Variants in YTHDF2 observed in about 807,000 individuals in gnomAD.
YTHDF2 encodes YTH domain-containing family protein 2.
A neutral mutation model predicts 50.4 loss-of-function variants in YTHDF2; 2 were observed. The observed-to-expected ratio is 0.04, with a 90% CI of 0.02 to 0.12. The LOEUF (loss-of-function observed/expected upper bound fraction) is 0.12, where lower values mean the gene tolerates loss of function less well. YTHDF2 is among the 10% of genes least tolerant of loss of function. The pLI is 1.00. For synonymous variants in YTHDF2, 217 were observed against 255.6 expected (o/e 0.85, Z 1.44); for missense variants, 483 against 722.6 (o/e 0.67, Z 3.80).
chr1:28,767,969 G>C (rs1238310600), intron 4 of YTHDF2, among the ~76,000 whole-genome samples: 2 of 151,128 alleles, frequency 1.3e-5, no homozygotes, highest in African/African-American at 4.9e-5. Context: ...TTGGGAGGCT[G>C]AGTCGAGCAG....
intron 1 of YTHDF2, chr1:28,737,420 T>C: frequency 1.6e-6 from 1 of 643,696 alleles, no homozygotes; most frequent in Non-Finnish European, 2.5e-6. Flanking sequence ...TTCCCCTTCC[T>C]TAAAGCCCTG....
intron 4 of YTHDF2, among the ~76,000 whole-genome samples, chr1:28,767,572 G>T (rs369925831): frequency 6.6e-6 from 1 of 151,878 alleles, no homozygotes; most frequent in Non-Finnish European, 1.5e-5. Context: ...GCAGTGGCAC[G>T]ATCTCGGCTC....
chr1:28,760,096 C>T (rs1411602056), intron 4 of YTHDF2, among the ~76,000 whole-genome samples: 1 of 152,196 alleles, frequency 6.6e-6, no homozygotes, highest in East Asian at 1.9e-4. Context: ...GGAAAGTCTT[C>T]AGAAGCAGTA....
At position 28,743,918 on chromosome 1, in the gene YTHDF2, A is replaced by G. The variant is rs753105687; in HGVS notation, c.1648A>G (p.Thr550Ala). 1.8e-5 allele frequency: 29 copies of G among 1,594,458 alleles called. No individual in the cohort carries two copies. Among genetic ancestry groups the G allele is most frequent in the Non-Finnish European group, 2.5e-5 (29 of 1,172,330 alleles). ...GAAAATTATAGCCAGCTACAAGCAC[A>G]CCACTTCCATTTTTGATGACTTCTC... ...VLKIIASYKHTTSIFDDFSHY... is the reference protein window; with the variant it reads ...VLKIIASYKHATSIFDDFSHY... The change falls in exon 4 of 5, where the codon ACC becomes GCC. Residue 550 changes from threonine (T) to alanine (A), a missense_variant. Around this residue, in one of 4 missense-constraint regions of YTHDF2, gnomAD observed 38 missense variants for 60.1 expected, o/e 0.63. Coordinates refer to ENST00000373812, the MANE Select transcript of YTHDF2 (RefSeq NM_016258.3). The surrounding 1 kb of genome is among the most constrained non-coding windows in gnomAD (Gnocchi z 6.9).
intron 4 of YTHDF2, among the ~76,000 whole-genome samples, chr1:28,756,410 CTTACCTACCAGAAGTAAAGA>C (rs1218744496): frequency 6.6e-6 from 1 of 152,178 alleles, no homozygotes; most frequent in Non-Finnish European, 1.5e-5. Context: ...AGCCATTCTG[CTTACCTACCAGAAGTAAAGA>C]TTACTCCTCT....
At chr1:28,759,942 C>CG (rs2088089563) in intron 4 of YTHDF2, among the ~76,000 whole-genome samples, 1 of 152,046 alleles carries the variant, frequency 6.6e-6, no homozygotes, top group African/African-American at 2.4e-5. Context: ...GGCAACAGAG[C>CG]GAGACTCTTG....
At position 28,743,302 on chromosome 1, in the gene YTHDF2, G is replaced by C. The variant is rs772441577; in HGVS notation, c.1032G>C (p.Gln344His). 1.2e-6 allele frequency: 2 copies of C among 1,614,180 alleles called. No individual in the cohort carries two copies. The highest frequency in any genetic ancestry group is 4.5e-5 in the East Asian group (2 of 44,880). The change falls in exon 4 of 5, where the codon CAG becomes CAC. Residue 344 changes from glutamine (Q) to histidine (H), a missense_variant. Around this residue, in one of 4 missense-constraint regions of YTHDF2, gnomAD observed 385 missense variants for 475.8 expected, o/e 0.81. Transcript: ENST00000373812. The surrounding 1 kb of genome is among the most constrained non-coding windows in gnomAD (Gnocchi z 6.9). ...PQPAQLSVQQ[Q>H]AAQPTRWVAP... ...CTGCCCAGCTTTCAGTCCAGCAACA[G>C]GCAGCTCAGCCAACCCGCTGGGTAG...
intron 3 of YTHDF2, among the ~76,000 whole-genome samples, chr1:28,738,854 A>T: frequency 6.6e-6 from 1 of 152,178 alleles, no homozygotes; most frequent in East Asian, 1.9e-4. Flanking sequence ...GTTAACTGCA[A>T]ATGTCCTAGG....
At chr1:28,744,830 G>A (rs781208482) in intron 4 of YTHDF2, among the ~76,000 whole-genome samples, 2 of 151,822 alleles carry the variant, frequency 1.3e-5, no homozygotes, top group Non-Finnish European at 2.9e-5. Context: ...CACCATGCCC[G>A]GCTAGTTTTT....
In YTHDF2 at chr1:28,738,300, G is replaced by T; in HGVS notation, c.94G>T (p.Asp32Tyr). Reference sequence around the variant, plus strand: ...ACATCAAAAGGATGGATTAAACGATGATGATTTTGAACCTTACTTGAGTCC... The same window carrying T: ...ACATCAAAAGGATGGATTAAACGATTATGATTTTGAACCTTACTTGAGTCC... The part of the protein sequence containing the change: ...SVHQKDGLND[D>Y]DFEPYLSPQA... Residue 32 changes from aspartate (D) to tyrosine (Y), a missense_variant, in exon 3 of 5, where the codon GAT becomes TAT. Asp to Tyr is a radical substitution (Grantham distance 160, BLOSUM62 -3). Coordinates refer to ENST00000373812, the MANE Select transcript of YTHDF2 (RefSeq NM_016258.3). The T allele has an allele frequency of 6.2e-7, 1 of 1,614,130 alleles. No individual in the cohort carries two copies. The highest frequency in any genetic ancestry group is 1.1e-5 in the South Asian group (1 of 91,074).
intron 4 of YTHDF2, among the ~76,000 whole-genome samples, chr1:28,749,290 C>A (rs1245394858): frequency 6.7e-6 from 1 of 149,928 alleles, no homozygotes; most frequent in East Asian, 2.0e-4. Context: ...CTCCCGGGTT[C>A]ACGCCATTCT....
rs969074575 is a variant in YTHDF2, at chr1:28,769,101, A to G, written c.*149A>G. 3.7e-6 allele frequency: 2 copies of G among 542,224 alleles called. No individual in the cohort carries two copies. Among genetic ancestry groups the G allele is most frequent in the African/African-American group, 2.0e-5 (1 of 50,760 alleles). The allele number at this position is 542,224 out of a possible 1,614,324, so 33.6% of individuals were successfully genotyped here. Reference sequence around the variant, plus strand: ...GCAGTTTAAGTATTGGAATTTCACAAAAGACATAGGACTTAACTGGAAAAT... The same window carrying G: ...GCAGTTTAAGTATTGGAATTTCACAGAAGACATAGGACTTAACTGGAAAAT... On this transcript the variant is annotated 3_prime_UTR_variant, in exon 5 of 5. Transcript: ENST00000373812.
intron 4 of YTHDF2, among the ~76,000 whole-genome samples, chr1:28,759,502 G>A (rs1358414908): frequency 1.3e-5 from 2 of 152,110 alleles, no homozygotes. Flanking sequence ...AACCTAGATG[G>A]TAGAGCCTAC....
chr1:28,738,436 T>C lies in YTHDF2; in HGVS notation c.132+98T>C, dbSNP rs1180713257. 6.1e-6 allele frequency: 7 copies of C among 1,139,888 alleles called. No homozygotes were observed. In the Admixed American group the frequency reaches 1.7e-4, roughly 28 times the overall value. The allele number at this position is 1,139,888 out of a possible 1,614,324, so 70.6% of individuals were successfully genotyped here. On this transcript the variant is annotated intron_variant, in intron 3 of 4. Coordinates refer to ENST00000373812, the MANE Select transcript of YTHDF2 (RefSeq NM_016258.3). ...CCCATTTTCTGAGGATTCATTTTTTTTTCTTTTTTCTGTTTTCTGTTTTTT... is the reference window on the plus strand; with the variant it reads ...CCCATTTTCTGAGGATTCATTTTTTCTTCTTTTTTCTGTTTTCTGTTTTTT...
At chr1:28,763,189 G>A (rs138019107) in intron 4 of YTHDF2, among the ~76,000 whole-genome samples, 24 of 152,330 alleles carry the variant, frequency 1.6e-4, no homozygotes, top group Non-Finnish European at 2.8e-4. Flanking sequence ...TGGGTGGATA[G>A]AGATGTCGAC....
chr1:28,744,192 C>T (rs899881456), intron 4 of YTHDF2, among the ~76,000 whole-genome samples: 3 of 152,136 alleles, frequency 2.0e-5, no homozygotes, highest in Non-Finnish European at 2.9e-5. Flanking sequence ...GACAGAAATA[C>T]GGACTTTGAA....
chr1:28,753,599 T>G (rs1557546497), intron 4 of YTHDF2, among the ~76,000 whole-genome samples: 1 of 151,896 alleles, frequency 6.6e-6, no homozygotes, highest in Non-Finnish European at 1.5e-5. Flanking sequence ...TGAGAATGCT[T>G]ATGGTATGTT....
chr1:28,749,037 G>T (rs931697667), intron 4 of YTHDF2, among the ~76,000 whole-genome samples: 1 of 151,924 alleles, frequency 6.6e-6, no homozygotes, highest in Admixed American at 6.6e-5. Context: ...TTACTAAAGG[G>T]GTATGTGCTT....
intron 1 of YTHDF2, 96 bp from the exon 2 acceptor site, chr1:28,737,562 C>T (rs2087713319): frequency 2.6e-6 from 4 of 1,567,950 alleles, no homozygotes; most frequent in South Asian, 2.3e-5. Context: ...GGGCCTGCTC[C>T]TTTATTCTCC....
Sources: gnomAD v4.1 joint callset for allele counts (sites outside exome capture counted in the v4.1 genomes callset) on GRCh38, gnomAD v4.1.1 for gene constraint, gnomAD v4.1.1 regional missense constraint, Gnocchi (gnomAD v3.1) non-coding constraint, MANE v1.5 for transcripts, NCBI Gene and HGNC (gene_info 2026-07-23, HGNC 2026-07-21) for gene names.